MIEF1: variants seen among roughly 807,000 people sequenced by gnomAD.
MIEF1 encodes mitochondrial dynamics protein MIEF1.
A neutral mutation model predicts 35.1 loss-of-function variants in MIEF1; 14 were observed. That is an observed-to-expected ratio of 0.40 (90% CI 0.26 to 0.62). MIEF1 has a LOEUF of 0.62. Ranked by LOEUF, MIEF1 falls within the 20% of genes least tolerant of loss-of-function variation. The pLI is 0.43. For missense variants in MIEF1, 542 were observed against 615.4 expected, an observed-to-expected ratio of 0.88 and a Z score of 1.26; for synonymous variants, 245 against 254.3, an observed-to-expected ratio of 0.96 and a Z score of 0.35.
intron 2 of MIEF1, among the ~76,000 whole-genome samples, chr22:39,507,273 C>A (rs555917749): frequency 3.3e-5 from 5 of 151,982 alleles, no homozygotes; most frequent in African/African-American, 1.2e-4. Flanking sequence ...GAGATGGAGT[C>A]TTGCTCTGTC....
In MIEF1 at chr22:39,511,383, T is replaced by G. The variant is rs777237660; in HGVS notation, c.89T>G (p.Val30Gly). ...TTTGTGCTCTCCAATGCCCGGCTGG[T>G]GCTGGGGGTGGGTGGAGCGGCCATG... The part of the protein sequence containing the change: ...IDFVLSNARL[V>G]LGVGGAAMLG... Residue 30 changes from valine (V) to glycine (G), a missense_variant, in exon 3 of 6, where the codon GTG (valine) becomes GGG (glycine). Coordinates refer to ENST00000325301, the MANE Select transcript of MIEF1 (RefSeq NM_019008.6). The G allele has an allele frequency of 6.2e-7, 1 of 1,610,554 alleles. No homozygotes were observed. Among genetic ancestry groups the G allele is most frequent in the Non-Finnish European group, 8.5e-7 (1 of 1,178,030 alleles).
chr22:39,513,541 C>T lies in MIEF1; in HGVS notation c.610C>T (p.Leu204Phe), dbSNP rs1569019943. Reference protein sequence around the residue: ...LQVVTADHIQLIVPLVLEQNL... With the variant: ...LQVVTADHIQFIVPLVLEQNL... ...GGTGGTGACAGCTGACCACATCCAA[C>T]TCATTGTGCCCCTTGTGCTGGAGCA... Residue 204 changes from leucine (L) to phenylalanine (F), a missense_variant, in exon 6 of 6, where the codon CTC becomes TTC. Leu to Phe is a conservative substitution (Grantham distance 22, BLOSUM62 0). Coordinates refer to ENST00000325301, the MANE Select transcript of MIEF1 (RefSeq NM_019008.6). 6.2e-7 allele frequency: 1 copy of T among 1,614,138 alleles called. No individual in the cohort carries two copies. Among genetic ancestry groups the T allele is most frequent in the South Asian group, 1.1e-5 (1 of 91,082 alleles).
Position 39,515,637 on chromosome 22 carries a change from G to GC in MIEF1, c.*1315dup, listed in dbSNP as rs1930626319. The GC allele has an allele frequency of 2.2e-6, 1 of 462,216 alleles. No homozygotes were observed. Among genetic ancestry groups the GC allele is most frequent in the African/African-American group, 2.0e-5 (1 of 50,994 alleles). 28.6% of individuals were successfully genotyped at this position (462,216 alleles called of 1,614,324 possible). A position where few individuals can be genotyped will look rare whatever the true frequency, so the allele number is the denominator to read the frequency against. On this transcript the variant is annotated 3_prime_UTR_variant, in exon 6 of 6. Transcript: ENST00000325301. The stretch of plus-strand genomic sequence containing the variant: ...CTCCTTGTTTGCCGCTGCTGAGATT[G>GC]CAGTATTTATTGCAATGTAAATGTA...
intron 2 of MIEF1, 73 bp downstream of exon 2, chr22:39,504,607 C>T: frequency 5.1e-6 from 2 of 389,110 alleles, no homozygotes; most frequent in Non-Finnish European, 9.1e-6. Context: ...TCAAAGTCAT[C>T]CTTTTAGTCA....
intron 3 of MIEF1, 34 bp downstream of exon 3, chr22:39,511,472 G>A (rs370886904): frequency 1.2e-5 from 18 of 1,519,160 alleles, no homozygotes; most frequent in Admixed American, 2.3e-5. Context: ...GGGGTGGAAT[G>A]TAGTGGTATG....
intron 2 of MIEF1, among the ~76,000 whole-genome samples, chr22:39,505,597 T>C (rs1429684614): frequency 6.6e-6 from 1 of 152,206 alleles, no homozygotes; most frequent in Non-Finnish European, 1.5e-5. Context: ...TGGAAGGACG[T>C]TGACTCCAAG....
In MIEF1 at chr22:39,511,379, C is replaced by A. The variant is rs755670930; in HGVS notation, c.85C>A (p.Leu29Met). 2 of 1,611,294 alleles carry A rather than the reference C, an allele frequency of 1.2e-6. No homozygotes were observed. The highest frequency in any genetic ancestry group is 1.1e-5 in the South Asian group (1 of 90,750). ...TGACTTTGTGCTCTCCAATGCCCGGCTGGTGCTGGGGGTGGGTGGAGCGGC... is the reference window on the plus strand; with the variant it reads ...TGACTTTGTGCTCTCCAATGCCCGGATGGTGCTGGGGGTGGGTGGAGCGGC... ...AIDFVLSNAR[L>M]VLGVGGAAML... The change falls in exon 3 of 6, where the codon CTG becomes ATG. Residue 29 changes from leucine (L) to methionine (M), a missense_variant. Leu to Met is a conservative substitution (Grantham distance 15). Transcript: ENST00000325301.
chr22:39,502,894 A>C (rs1929819960), intron 1 of MIEF1: 1 of 152,342 alleles, frequency 6.6e-6, no homozygotes, highest in Admixed American at 6.5e-5. Flanking sequence ...TGGCTTGCTC[A>C]AGCTTGCGCA....
intron 2 of MIEF1, among the ~76,000 whole-genome samples, chr22:39,507,323 G>T (rs1413332299): frequency 6.6e-6 from 1 of 151,872 alleles, no homozygotes; most frequent in Non-Finnish European, 1.5e-5. Flanking sequence ...TTGGCTCACT[G>T]CAACCTCTGC....
At chr22:39,511,191 TCA>T in intron 2 of MIEF1, 95 bp from the exon 3 acceptor site, 1 of 1,513,538 alleles carries the variant, frequency 6.6e-7, no homozygotes, top group South Asian at 1.2e-5. Context: ...TTGCTGGAAC[TCA>T]CAGAGTACCC....
chr22:39,507,843 T>A (rs1930124057), intron 2 of MIEF1, among the ~76,000 whole-genome samples: 1 of 151,934 alleles, frequency 6.6e-6, no homozygotes, highest in South Asian at 2.1e-4. Flanking sequence ...CCAGCCTGGG[T>A]GACAGAGTGA....
intron 2 of MIEF1, among the ~76,000 whole-genome samples, chr22:39,506,242 A>G (rs1930009274): frequency 6.6e-6 from 1 of 152,140 alleles, no homozygotes; most frequent in Non-Finnish European, 1.5e-5. Context: ...TGCATCAAAC[A>G]CTGCACACCC....
Position 39,514,657 on chromosome 22 carries a change from G to A in MIEF1, c.*334G>A. ...GGCCCATGTTTGCTGCCTCTATCTG[G>A]TCTGCCTTGCCCGTTTGCCTGTTCC... On this transcript the variant is annotated 3_prime_UTR_variant, in exon 6 of 6. Transcript: ENST00000325301. 1 of 366,908 alleles carries A rather than the reference G, an allele frequency of 2.7e-6. No individual in the cohort carries two copies. Among genetic ancestry groups the A allele is most frequent in the African/African-American group, 2.0e-5 (1 of 48,948 alleles). 22.7% of individuals were successfully genotyped at this position (366,908 alleles called of 1,614,324 possible).
chr22:39,504,040 C>T (rs1174327572), intron 1 of MIEF1, among the ~76,000 whole-genome samples, 163 bp from the exon 2 acceptor site: 1 of 152,194 alleles, frequency 6.6e-6, no homozygotes, highest in Non-Finnish European at 1.5e-5. Context: ...GAATGGGCAT[C>T]CAGAGGCTGG....
At chr22:39,509,100 A>G (rs912057052) in intron 2 of MIEF1, among the ~76,000 whole-genome samples, 11 of 151,930 alleles carry the variant, frequency 7.2e-5, no homozygotes, top group Non-Finnish European at 1.0e-4. Context: ...GATTACAGGC[A>G]TGCACCATCA....
intron 5 of MIEF1, among the ~76,000 whole-genome samples, chr22:39,513,260 C>T (rs1331698754): frequency 1.3e-5 from 2 of 152,152 alleles, no homozygotes; most frequent in African/African-American, 4.8e-5. Flanking sequence ...GCCACAATGC[C>T]TGGCTAATTT....
At chr22:39,505,905 G>A (rs1371653272) in intron 2 of MIEF1, among the ~76,000 whole-genome samples, 1 of 152,178 alleles carries the variant, frequency 6.6e-6, no homozygotes, top group African/African-American at 2.4e-5. Context: ...CCAGCTGGGT[G>A]GAGGGTGCTG....
rs1930174833 is a variant in MIEF1, at chr22:39,508,649, C to CA, written c.-7-2636dup. ...TCTTCCCTGATTCCACCTGTAAATACAAACGTTATCTCTTCTCCCTGGCTT... is the reference window on the plus strand; with the variant it reads ...TCTTCCCTGATTCCACCTGTAAATACAAAACGTTATCTCTTCTCCCTGGCTT... On this transcript the variant is annotated intron_variant, in intron 2 of 5. Coordinates refer to ENST00000325301, the MANE Select transcript of MIEF1 (RefSeq NM_019008.6). Among the ~76,000 whole-genome samples the CA allele has an allele frequency of 5.3e-5, 8 of 152,288 alleles. No individual in the cohort carries two copies. The South Asian group carries it at 1.7e-3, about 32-fold the overall frequency.
At position 39,515,422 on chromosome 22, in the gene MIEF1, C is replaced by G; in HGVS notation, c.*1099C>G. The stretch of plus-strand genomic sequence containing the variant: ...GACCCAACAGCCAGCCCTTCATCCT[C>G]CAGCGTCTGCCATAGGAATGTGAGA... On this transcript the variant is annotated 3_prime_UTR_variant, in exon 6 of 6. Transcript: ENST00000325301. The G allele has an allele frequency of 2.9e-6, 2 of 694,098 alleles. No individual in the cohort carries two copies. Among genetic ancestry groups the G allele is most frequent in the Non-Finnish European group, 5.4e-6 (2 of 373,776 alleles). The allele number at this position is 694,098 out of a possible 1,614,324, so 43.0% of individuals were successfully genotyped here.
Sources: gnomAD v4.1 joint callset for allele counts (sites outside exome capture counted in the v4.1 genomes callset) on GRCh38, gnomAD v4.1.1 for gene constraint, MANE v1.5 for transcripts, NCBI Gene and HGNC (gene_info 2026-07-23, HGNC 2026-07-21) for gene names.